TMEM132C: variants seen among roughly 807,000 people sequenced by gnomAD.
TMEM132C encodes the protein protein phosphatase 1, regulatory subunit 152.
A neutral mutation model predicts 61.4 loss-of-function variants in TMEM132C; 29 were observed. The ratio of observed to expected loss-of-function variants is 0.47; its 90% CI spans 0.35 to 0.64. TMEM132C has a LOEUF of 0.64. Among genes scored for constraint, TMEM132C ranks in the 30% least tolerant of loss-of-function variants. TMEM132C has a pLI of 0.00. For synonymous variants in TMEM132C, 656 were observed against 633.1 expected (o/e 1.04, Z -0.54); for missense variants, 1,408 against 1,476.9 (o/e 0.95, Z 0.76).
intron 3 of TMEM132C, among the ~76,000 whole-genome samples, chr12:128,565,497 A>G (rs1874664848): frequency 6.6e-6 from 1 of 152,264 alleles, no homozygotes; most frequent in Non-Finnish European, 1.5e-5. Context: ...AACTCTTGGT[A>G]TTAAAAAATA....
chr12:128,594,911 C>T (rs1227456331), intron 3 of TMEM132C, among the ~76,000 whole-genome samples: 2 of 152,238 alleles, frequency 1.3e-5, no homozygotes, highest in Admixed American at 6.5e-5. Flanking sequence ...TTCAGTAGAA[C>T]AGCTACGGCC....
intron 1 of TMEM132C, among the ~76,000 whole-genome samples, chr12:128,368,136 G>A (rs970464176): frequency 1.3e-5 from 2 of 152,212 alleles, no homozygotes; most frequent in African/African-American, 4.8e-5. Flanking sequence ...ACCAGCCAGG[G>A]TGCCCCACTT....
At chr12:128,344,317 C>G (rs1353334854) in intron 1 of TMEM132C, among the ~76,000 whole-genome samples, 2 of 152,106 alleles carry the variant, frequency 1.3e-5, no homozygotes, top group African/African-American at 2.4e-5. Flanking sequence ...GCCACCACAT[C>G]CGGCTAATTT....
intron 2 of TMEM132C, among the ~76,000 whole-genome samples, chr12:128,485,700 C>T (rs961251657): frequency 1.3e-5 from 2 of 152,026 alleles, no homozygotes; most frequent in Admixed American, 6.6e-5. Flanking sequence ...TCAGTAGTGC[C>T]GAGGCTGAGA....
chr12:128,697,427 A>C lies in TMEM132C; in HGVS notation c.2121+12A>C. The C allele has an allele frequency of 1.3e-6, 2 of 1,525,252 alleles. No homozygotes were observed. Among genetic ancestry groups the C allele is most frequent in the Non-Finnish European group, 1.8e-6 (2 of 1,127,480 alleles). The allele number at this position is 1,525,252 out of a possible 1,614,324, so 94.5% of individuals were successfully genotyped here. On this transcript the variant is annotated intron_variant, in intron 8 of 8. Coordinates refer to ENST00000435159, the MANE Select transcript of TMEM132C (RefSeq NM_001136103.3). ...GGACCCCCAAACAGGTAGGGGGCCAAATGCCAGAGGTTCAGAGGGAGCAGG... is the reference window on the plus strand; with the variant it reads ...GGACCCCCAAACAGGTAGGGGGCCACATGCCAGAGGTTCAGAGGGAGCAGG...
intron 2 of TMEM132C, among the ~76,000 whole-genome samples, chr12:128,510,296 T>A (rs369547187): frequency 1.3e-5 from 2 of 152,284 alleles, no homozygotes; most frequent in African/African-American, 4.8e-5. Flanking sequence ...TATAAAACAT[T>A]TACAGGCCAA....
intron 4 of TMEM132C, among the ~76,000 whole-genome samples, chr12:128,621,157 C>T (rs549957564): frequency 6.6e-6 from 1 of 152,208 alleles, no homozygotes; most frequent in South Asian, 2.1e-4. Context: ...GCTCCCTTGC[C>T]CTCTGGCTTC....
chr12:128,567,822 G>A (rs1387049292), intron 3 of TMEM132C, among the ~76,000 whole-genome samples: 2 of 152,228 alleles, frequency 1.3e-5, no homozygotes, highest in Non-Finnish European at 2.9e-5. Flanking sequence ...CCAGTCTGAT[G>A]TGAAGGTTCT....
chr12:128,536,752 TG>T (rs1343109149), intron 2 of TMEM132C, among the ~76,000 whole-genome samples: 1 of 33,276 alleles, frequency 3.0e-5, no homozygotes, highest in Non-Finnish European at 9.8e-5. Flanking sequence ...GGGGTGCTTG[TG>T]TGTGTGTGTG....
intron 1 of TMEM132C, among the ~76,000 whole-genome samples, chr12:128,392,090 C>A (rs1874787026): frequency 6.9e-6 from 1 of 144,530 alleles, no homozygotes; most frequent in Non-Finnish European, 1.5e-5. Flanking sequence ...CTCTCTCTCT[C>A]TCTCTCTCAG....
At chr12:128,514,485 G>C (rs536649069) in intron 2 of TMEM132C, among the ~76,000 whole-genome samples, 1 of 151,808 alleles carries the variant, frequency 6.6e-6, no homozygotes. Flanking sequence ...TTATTCTGAT[G>C]TTCATATGTC....
At chr12:128,669,065 T>A (rs994521177) in intron 4 of TMEM132C, among the ~76,000 whole-genome samples, 2 of 152,216 alleles carry the variant, frequency 1.3e-5, no homozygotes, top group Non-Finnish European at 2.9e-5. Flanking sequence ...TTACTGTGCT[T>A]GCTCAAGGTA....
At chr12:128,334,399 A>T (rs957233771) in intron 1 of TMEM132C, among the ~76,000 whole-genome samples, 3 of 152,144 alleles carry the variant, frequency 2.0e-5, no homozygotes, top group East Asian at 3.9e-4. Context: ...CCTCAGTGCC[A>T]GTGTCTCCCT....
At chr12:128,635,885 C>T (rs1287677216) in intron 4 of TMEM132C, among the ~76,000 whole-genome samples, 3 of 152,166 alleles carry the variant, frequency 2.0e-5, no homozygotes, top group Non-Finnish European at 4.4e-5. Context: ...GACAAAGGCA[C>T]AAAGGTGAGG....
chr12:128,309,117 C>G (rs998422256), intron 1 of TMEM132C, among the ~76,000 whole-genome samples: 2 of 152,022 alleles, frequency 1.3e-5, no homozygotes, highest in Non-Finnish European at 2.9e-5. Flanking sequence ...TCTCCCGTGA[C>G]GGGACTGCTG....
chr12:128,359,243 G>T (rs141190198), intron 1 of TMEM132C, among the ~76,000 whole-genome samples: 23 of 152,282 alleles, frequency 1.5e-4, no homozygotes, highest in African/African-American at 5.3e-4. Context: ...AGGTTTAATT[G>T]CCTCACAGTT....
At chr12:128,592,093 T>A (rs1194938964) in intron 3 of TMEM132C, among the ~76,000 whole-genome samples, 5 of 147,902 alleles carry the variant, frequency 3.4e-5, no homozygotes, top group Non-Finnish European at 5.9e-5. Flanking sequence ...GCCGAGAGGC[T>A]TTACATAAAT....
chr12:128,514,632 A>G (rs1179040085), intron 2 of TMEM132C, among the ~76,000 whole-genome samples: 1 of 152,180 alleles, frequency 6.6e-6, no homozygotes, highest in African/African-American at 2.4e-5. Context: ...TATGTTGTTT[A>G]TCAGCTGTGA....
chr12:128,477,272 C>G (rs542512462), intron 2 of TMEM132C, among the ~76,000 whole-genome samples: 6 of 152,294 alleles, frequency 3.9e-5, no homozygotes, highest in African/African-American at 1.4e-4. Flanking sequence ...GTAAATATCT[C>G]AACTTCATCC....
Sources: gnomAD v4.1 joint callset for allele counts (sites outside exome capture counted in the v4.1 genomes callset) on GRCh38, gnomAD v4.1.1 for gene constraint, MANE v1.5 for transcripts, NCBI Gene and HGNC (gene_info 2026-07-23, HGNC 2026-07-21) for gene names.